ZNF423: variants seen among roughly 807,000 people sequenced by gnomAD.
ZNF423 encodes the protein Ebf-associated zinc finger protein.
ZNF423 carries 12 observed loss-of-function variants against 95.8 expected under a neutral mutation model. That is an observed-to-expected ratio of 0.13 (90% CI 0.08 to 0.20). ZNF423 has a LOEUF of 0.20. ZNF423 is among the 10% of genes least tolerant of loss of function. ZNF423 has a pLI of 1.00. For synonymous variants in ZNF423, 749 were observed against 711.9 expected (o/e 1.05, Z -0.83); for missense variants, 1,316 against 1,737.1 (o/e 0.76, Z 4.31).
intron 5 of ZNF423, among the ~76,000 whole-genome samples, chr16:49,556,501 C>G (rs1969831604): frequency 6.6e-6 from 1 of 152,140 alleles, no homozygotes; most frequent in Non-Finnish European, 1.5e-5. Flanking sequence ...CCCCCACAGC[C>G]CCCAGTTCAG....
At chr16:49,837,932 G>A (rs1425747937) in intron 1 of ZNF423, among the ~76,000 whole-genome samples, 1 of 152,202 alleles carries the variant, frequency 6.6e-6, no homozygotes, top group Non-Finnish European at 1.5e-5. Flanking sequence ...GTCTCTCAAT[G>A]AACAATTACA....
intron 5 of ZNF423, among the ~76,000 whole-genome samples, chr16:49,618,237 G>A (rs904774670): frequency 3.9e-5 from 6 of 152,218 alleles, no homozygotes; most frequent in Non-Finnish European, 7.3e-5. Flanking sequence ...ATGACAGCAC[G>A]TCTCACAGGG....
chr16:49,817,748 T>C (rs947770442), intron 1 of ZNF423, among the ~76,000 whole-genome samples: 14 of 152,268 alleles, frequency 9.2e-5, no homozygotes, highest in African/African-American at 3.4e-4. Context: ...AGGGTTTCTG[T>C]TGTGCACATG....
chr16:49,667,397 G>A (rs1428099464), intron 3 of ZNF423, among the ~76,000 whole-genome samples: 1 of 152,234 alleles, frequency 6.6e-6, no homozygotes, highest in Non-Finnish European at 1.5e-5. Flanking sequence ...TCCCCCGAGT[G>A]AGGAAGGGGA....
At chr16:49,512,699 T>C (rs1967949569) in intron 7 of ZNF423, among the ~76,000 whole-genome samples, 1 of 152,146 alleles carries the variant, frequency 6.6e-6, no homozygotes, top group Non-Finnish European at 1.5e-5. Context: ...ATAAAGTGCT[T>C]TACACATGCG....
At chr16:49,587,582 T>C (rs1022984984) in intron 5 of ZNF423, among the ~76,000 whole-genome samples, 4 of 151,964 alleles carry the variant, frequency 2.6e-5, no homozygotes, top group Admixed American at 6.6e-5. Flanking sequence ...AGCTGGCTGT[T>C]GGGGTGGAAC....
At chr16:49,697,660 G>T (rs1239457303) in intron 3 of ZNF423, among the ~76,000 whole-genome samples, 1 of 152,222 alleles carries the variant, frequency 6.6e-6, no homozygotes, top group East Asian at 1.9e-4. Flanking sequence ...GGGCACAACA[G>T]GACTGGCCCA....
chr16:49,536,488 C>T (rs1341589221), intron 5 of ZNF423, among the ~76,000 whole-genome samples: 2 of 148,380 alleles, frequency 1.3e-5, no homozygotes, highest in Non-Finnish European at 3.0e-5. Context: ...GTTTGCCCAG[C>T]CTGGAGTGCC....
At chr16:49,785,046 T>C (rs1029251865) in intron 2 of ZNF423, among the ~76,000 whole-genome samples, 1 of 152,074 alleles carries the variant, frequency 6.6e-6, no homozygotes, top group African/African-American at 2.4e-5. Context: ...GTTTCTTTTT[T>C]ATTATTTTTT....
At chr16:49,708,926 G>A (rs1048232144) in intron 3 of ZNF423, among the ~76,000 whole-genome samples, 32 of 152,202 alleles carry the variant, frequency 2.1e-4, no homozygotes, top group African/African-American at 7.7e-4. Context: ...GAATGAATGG[G>A]CGGGGGGTAA....
At chr16:49,854,491 G>A (rs775304922) in intron 1 of ZNF423, 8 of 985,464 alleles carry the variant, frequency 8.1e-6, no homozygotes, top group Non-Finnish European at 9.6e-6. Flanking sequence ...GAACTTTTCA[G>A]AGCAGAACTG....
chr16:49,639,253 A>G (rs1467438549), intron 3 of ZNF423, among the ~76,000 whole-genome samples: 4 of 152,214 alleles, frequency 2.6e-5, no homozygotes, highest in Non-Finnish European at 4.4e-5. Context: ...GGCCAAAAGG[A>G]AGACAAGTCC....
intron 5 of ZNF423, among the ~76,000 whole-genome samples, chr16:49,558,027 G>A (rs1370906596): frequency 6.6e-6 from 1 of 152,218 alleles, no homozygotes; most frequent in Non-Finnish European, 1.5e-5. Flanking sequence ...CAGACAGCCG[G>A]ACTGGAGCTA....
intron 5 of ZNF423, among the ~76,000 whole-genome samples, chr16:49,574,243 T>G (rs965997233): frequency 1.9e-4 from 29 of 152,286 alleles, no homozygotes; most frequent in African/African-American, 7.0e-4. Flanking sequence ...AAATTAGCCA[T>G]GCATGGTGGT....
chr16:49,800,274 A>C (rs991635041), intron 1 of ZNF423, among the ~76,000 whole-genome samples: 2 of 151,820 alleles, frequency 1.3e-5, no homozygotes, highest in African/African-American at 2.4e-5. Context: ...TTTTCTGTAG[A>C]GATGGGGTCT....
At chr16:49,632,454 G>A (rs1211980491) in intron 4 of ZNF423, among the ~76,000 whole-genome samples, 4 of 152,126 alleles carry the variant, frequency 2.6e-5, no homozygotes, top group African/African-American at 9.7e-5. Context: ...GCCTTGCCTG[G>A]GGAGGTACCT....
intron 2 of ZNF423, among the ~76,000 whole-genome samples, chr16:49,781,589 C>T (rs1284252206): frequency 1.3e-5 from 2 of 152,182 alleles, no homozygotes; most frequent in African/African-American, 2.4e-5. Flanking sequence ...TCCAGCAAAA[C>T]ACAAGCAGGG....
intron 5 of ZNF423, among the ~76,000 whole-genome samples, chr16:49,567,128 C>G (rs1287570018): frequency 6.6e-6 from 1 of 152,144 alleles, no homozygotes; most frequent in Non-Finnish European, 1.5e-5. Context: ...ATTCAAGGCA[C>G]AGAAAGGAAC....
chr16:49,786,384 A>G (rs2034314662), intron 2 of ZNF423, among the ~76,000 whole-genome samples: 1 of 152,140 alleles, frequency 6.6e-6, no homozygotes, highest in Non-Finnish European at 1.5e-5. Flanking sequence ...GTTCTCCATC[A>G]CACACCCAAG....
Sources: allele counts gnomAD v4.1 joint callset (sites outside exome capture counted in the v4.1 genomes callset), GRCh38; gene constraint gnomAD v4.1.1; transcripts MANE v1.5; gene names NCBI Gene and HGNC (gene_info 2026-07-23, HGNC 2026-07-21).